MRPS9: variants seen among roughly 807,000 people sequenced by gnomAD.
MRPS9 encodes mitochondrial ribosomal protein S9, also known as small ribosomal subunit protein uS9m.
In MRPS9, 45 loss-of-function variants were observed where a neutral mutation model predicts 59.9. The ratio of observed to expected loss-of-function variants is 0.75; its 90% CI spans 0.59 to 0.96. MRPS9 has a LOEUF of 0.96. Ranked by LOEUF, MRPS9 falls within the 40% of genes least tolerant of loss-of-function variation. The pLI, the probability that MRPS9 is intolerant of heterozygous loss-of-function variation, is 0.00. For missense variants in MRPS9, 473 were observed against 481.1 expected (o/e 0.98, Z 0.16); for synonymous variants, 171 against 166.8 (o/e 1.03, Z -0.19).
At chr2:105,041,146 CATT>C (rs759384406) in intron 1 of MRPS9, among the ~76,000 whole-genome samples, 3 of 152,122 alleles carry the variant, frequency 2.0e-5, no homozygotes, top group Non-Finnish European at 4.4e-5. Flanking sequence ...ATAGTGTTAG[CATT>C]ATTATGAGCA....
At chr2:105,080,906 TG>T (rs776619002) in intron 5 of MRPS9, among the ~76,000 whole-genome samples, 2 of 151,542 alleles carry the variant, frequency 1.3e-5, no homozygotes, top group African/African-American at 2.4e-5. Flanking sequence ...ATTTATTTCT[TG>T]GGGGAAAAAA....
At chr2:105,093,295 G>T (rs958500999) in intron 8 of MRPS9, among the ~76,000 whole-genome samples, 1 of 152,150 alleles carries the variant, frequency 6.6e-6, no homozygotes, top group Non-Finnish European at 1.5e-5. Context: ...TAAAATCATT[G>T]TAGTGTTTCT....
intron 9 of MRPS9, among the ~76,000 whole-genome samples, chr2:105,094,879 T>C (rs1307114072): frequency 1.3e-5 from 2 of 152,260 alleles, no homozygotes; most frequent in African/African-American, 4.8e-5. Context: ...GTCTCAATTC[T>C]GGCTTGATCT....
chr2:105,079,090 G>GA (rs1293639861), intron 4 of MRPS9, among the ~76,000 whole-genome samples: 1 of 152,024 alleles, frequency 6.6e-6, no homozygotes, highest in Non-Finnish European at 1.5e-5. Context: ...TTCATGGGAT[G>GA]AATCATGAAA....
chr2:105,080,374 G>T (rs1478338583), intron 5 of MRPS9, among the ~76,000 whole-genome samples: 1 of 152,118 alleles, frequency 6.6e-6, no homozygotes, highest in Non-Finnish European at 1.5e-5. Flanking sequence ...AGAAGGAGGA[G>T]GCCAAGTGTA....
chr2:105,099,864 G>A lies in MRPS9; in HGVS notation c.*103G>A. ...GACCAGCATGAGGGCAGTACTGTCA[G>A]AAATTTCTTTGAGCTGTGAGATGGA... On this transcript the variant is annotated 3_prime_UTR_variant, in exon 11 of 11. Transcript: ENST00000258455. 1.1e-6 allele frequency: 1 copy of A among 891,434 alleles called. No homozygotes were observed. The highest frequency in any genetic ancestry group is 1.7e-6 in the Non-Finnish European group (1 of 600,116). The allele number at this position is 891,434 out of a possible 1,614,324, so 55.2% of individuals were successfully genotyped here.
At chr2:105,073,049 C>T (rs1373556019) in intron 4 of MRPS9, among the ~76,000 whole-genome samples, 5 of 152,172 alleles carry the variant, frequency 3.3e-5, no homozygotes, top group African/African-American at 1.2e-4. Context: ...CAGTAACTTA[C>T]ATTAAACACC....
intron 5 of MRPS9, among the ~76,000 whole-genome samples, chr2:105,081,254 A>T (rs1469001892): frequency 2.0e-5 from 3 of 152,236 alleles, no homozygotes; most frequent in Non-Finnish European, 2.9e-5. Context: ...AAGGGATGCA[A>T]TGCTGCGTTT....
chr2:105,061,945 T>C (rs1035651402), intron 2 of MRPS9, among the ~76,000 whole-genome samples: 4 of 152,172 alleles, frequency 2.6e-5, no homozygotes, highest in African/African-American at 9.7e-5. Flanking sequence ...CAACTTGATA[T>C]TTATATGTTT....
chr2:105,098,807 A>T (rs1680727748), intron 10 of MRPS9, among the ~76,000 whole-genome samples: 1 of 152,230 alleles, frequency 6.6e-6, no homozygotes, highest in Non-Finnish European at 1.5e-5. Flanking sequence ...GGAAGAGTGA[A>T]AAAGACAAGG....
chr2:105,077,183 T>C (rs142178541), intron 4 of MRPS9, among the ~76,000 whole-genome samples: 1,582 of 147,234 alleles, frequency 0.011, 13 homozygotes, highest in African/African-American at 0.029. Flanking sequence ...AGGTGGAGGT[T>C]GCAGTGAGCC....
intron 5 of MRPS9, among the ~76,000 whole-genome samples, chr2:105,083,959 C>T (rs916847122): frequency 6.6e-6 from 1 of 152,048 alleles, no homozygotes; most frequent in Non-Finnish European, 1.5e-5. Flanking sequence ...AGGCATTACT[C>T]GCCTTAGATA....
rs553336144 is a variant in MRPS9 at position 105,051,338 on chromosome 2, A to C, written c.315+1988A>C. Among the ~76,000 whole-genome samples the C allele has an allele frequency of 2.0e-5, 3 of 152,296 alleles. No homozygotes were observed. The East Asian group carries it at 5.8e-4, about 29-fold the overall frequency. ...TTGAATTATTTTATCACTTATATTG[A>C]ATATCAGTGTAACTATGAGGGCTTA... On this transcript the variant is annotated intron_variant, in intron 2 of 10. Transcript: ENST00000258455.
intron 2 of MRPS9, among the ~76,000 whole-genome samples, chr2:105,056,974 T>C (rs1276510781): frequency 1.3e-5 from 2 of 152,276 alleles, no homozygotes; most frequent in East Asian, 1.9e-4. Flanking sequence ...TTTCCAGAAT[T>C]AGCTCAAATT....
chr2:105,072,751 T>C (rs1680137892), intron 4 of MRPS9, among the ~76,000 whole-genome samples: 1 of 152,224 alleles, frequency 6.6e-6, no homozygotes, highest in South Asian at 2.1e-4. Flanking sequence ...CAGTGGTATT[T>C]CTGCTAAGTC....
chr2:105,047,699 TA>T (rs983299657), intron 1 of MRPS9, among the ~76,000 whole-genome samples: 2 of 152,106 alleles, frequency 1.3e-5, no homozygotes, highest in African/African-American at 2.4e-5. Flanking sequence ...CTGTTCTAGT[TA>T]TTTCCAGCTA....
intron 2 of MRPS9, among the ~76,000 whole-genome samples, chr2:105,070,615 G>A (rs577964009): frequency 2.0e-5 from 3 of 152,302 alleles, no homozygotes; most frequent in African/African-American, 7.2e-5. Context: ...AAAGGCTTAA[G>A]CTATTGTTCT....
At chr2:105,041,108 C>G (rs1450062738) in intron 1 of MRPS9, among the ~76,000 whole-genome samples, 4 of 152,078 alleles carry the variant, frequency 2.6e-5, no homozygotes, top group Non-Finnish European at 5.9e-5. Context: ...GCTAAGGTAG[C>G]TGAATTTTTT....
chr2:105,076,149 A>T (rs185160370), intron 4 of MRPS9, among the ~76,000 whole-genome samples: 16 of 152,360 alleles, frequency 1.1e-4, no homozygotes, highest in Non-Finnish European at 1.9e-4. Flanking sequence ...GACTACCATT[A>T]TTTGGGTACC....
Sources: gnomAD v4.1 joint callset for allele counts (sites outside exome capture counted in the v4.1 genomes callset) on GRCh38, gnomAD v4.1.1 for gene constraint, MANE v1.5 for transcripts, NCBI Gene and HGNC (gene_info 2026-07-23, HGNC 2026-07-21) for gene names.